Variants in METTL21A observed in about 807,000 individuals in gnomAD.
METTL21A encodes the protein protein N-lysine methyltransferase METTL21A.
METTL21A carries 22 observed loss-of-function variants against 20.9 expected under a neutral mutation model. The ratio of observed to expected loss-of-function variants is 1.05; its 90% CI spans 0.75 to 1.50. The LOEUF is 1.50. METTL21A is among the 40% of genes most tolerant of loss of function. The pLI is 0.00. For synonymous variants in METTL21A, 93 were observed against 102.0 expected (o/e 0.91, Z 0.53); for missense variants, 271 against 266.8 (o/e 1.02, Z -0.11).
intron 3 of METTL21A, chr2:207,602,361 C>G (rs1432816348): frequency 4.9e-6 from 1 of 202,060 alleles, no homozygotes; most frequent in Non-Finnish European, 1.0e-5. Context: ...GGGTGCAGGT[C>G]CCAGCTGGGT....
intron 3 of METTL21A, among the ~76,000 whole-genome samples, chr2:207,595,337 A>G (rs2085934153): frequency 6.6e-6 from 1 of 151,842 alleles, no homozygotes; most frequent in African/African-American, 2.4e-5. Context: ...ATCTCTGGAG[A>G]AATCTCTGTT....
chr2:207,583,691 A>C (rs961932816), intron 3 of METTL21A, among the ~76,000 whole-genome samples: 1 of 152,174 alleles, frequency 6.6e-6, no homozygotes, highest in Non-Finnish European at 1.5e-5. Context: ...TTGCATATAC[A>C]TAAGTTCACT....
intron 2 of METTL21A, 92 bp downstream of exon 2, chr2:207,624,137 A>G: frequency 7.1e-7 from 1 of 1,415,974 alleles, no homozygotes; most frequent in Non-Finnish European, 9.5e-7. Flanking sequence ...TATGTGAATT[A>G]TATCTCAATA....
intron 3 of METTL21A, among the ~76,000 whole-genome samples, chr2:207,618,925 T>C (rs2090134270): frequency 6.6e-6 from 1 of 152,010 alleles, no homozygotes; most frequent in African/African-American, 2.4e-5. Flanking sequence ...AGAGTCAGAT[T>C]GGATTCAAAT....
chr2:207,581,970 G>A, exon 4 of METTL21A: 2 of 701,862 alleles, frequency 2.8e-6, no homozygotes, highest in Non-Finnish European at 5.2e-6. Flanking sequence ...GAGATAATAG[G>A]TTTTGGGGAG....
intron 3 of METTL21A, among the ~76,000 whole-genome samples, chr2:207,591,428 T>C (rs1458620943): frequency 2.0e-5 from 3 of 152,152 alleles, no homozygotes; most frequent in Non-Finnish European, 4.4e-5. Flanking sequence ...AGTTGGTTTG[T>C]TTTGTTTTTG....
At chr2:207,624,739 A>G (rs2090926349) in intron 1 of METTL21A, 1 of 153,990 alleles carries the variant, frequency 6.5e-6, no homozygotes, top group Non-Finnish European at 1.4e-5. Context: ...AGGGCCCCAG[A>G]GCAGCGCGGA....
At chr2:207,585,447 CA>C (rs1337907224) in intron 3 of METTL21A, among the ~76,000 whole-genome samples, 1 of 152,166 alleles carries the variant, frequency 6.6e-6, no homozygotes, top group East Asian at 1.9e-4. Flanking sequence ...TCTTTCTCTA[CA>C]AAAGCCAGTC....
chr2:207,585,296 A>G (rs1444825768), intron 3 of METTL21A, among the ~76,000 whole-genome samples: 2 of 152,210 alleles, frequency 1.3e-5, no homozygotes, highest in Non-Finnish European at 2.9e-5. Flanking sequence ...TGAAGAAATC[A>G]TAGATGCCAT....
chr2:207,590,083 G>GT (rs59126515), intron 3 of METTL21A, among the ~76,000 whole-genome samples: 45,081 of 75,458 alleles, frequency 0.6, 12,607 homozygotes, highest in East Asian at 0.77. Context: ...ATTTTGAGAA[G>GT]TTTTTTTTTT....
At chr2:207,582,019 C>T in exon 4 of METTL21A, 1 of 698,666 alleles carries the variant, frequency 1.4e-6, no homozygotes, top group South Asian at 1.5e-5. Flanking sequence ...CTCATAACAT[C>T]ACATCCGGGA....
At chr2:207,608,283 C>G (rs2088438718), downstream of METTL21A, among the ~76,000 whole-genome samples, 1 of 152,082 alleles carries the variant, frequency 6.6e-6, no homozygotes. Flanking sequence ...AAAAGCATTC[C>G]CATATGAACT....
In METTL21A at chr2:207,597,697, C is replaced by T. The variant is rs371836046; in HGVS notation, c.260-15537G>A. 23 of 206,296 alleles carry T rather than the reference C, an allele frequency of 1.1e-4. No homozygotes were observed. In the South Asian group the frequency reaches 1.7e-3, roughly 15 times the overall value. 12.8% of individuals were successfully genotyped at this position (206,296 alleles called of 1,614,324 possible). ...CCTTGGTTCTTAAAAGCATTCTGTA[C>T]TAATACAGCTCTTCCATAGGGCAGT... On this transcript the variant is annotated intron_variant, in intron 3 of 3. Transcript: ENST00000425132.
intron 3 of METTL21A, among the ~76,000 whole-genome samples, chr2:207,589,068 C>T (rs2084464852): frequency 6.6e-6 from 1 of 152,064 alleles, no homozygotes; most frequent in African/African-American, 2.4e-5. Context: ...TTGCCCTATT[C>T]TTGATCTTAG....
chr2:207,603,196 T>C (rs2087402178), intron 3 of METTL21A: 1 of 215,458 alleles, frequency 4.6e-6, no homozygotes, highest in Admixed American at 5.8e-5. Context: ...GTGCTTTATG[T>C]GTAAAGAAAA....
chr2:207,599,040 G>A (rs1156979265), intron 3 of METTL21A: 2 of 183,304 alleles, frequency 1.1e-5, no homozygotes, highest in African/African-American at 4.7e-5. Flanking sequence ...TTTGTAAATG[G>A]TATATTTTCG....
intron 3 of METTL21A, among the ~76,000 whole-genome samples, chr2:207,586,070 T>C (rs1301980475): frequency 6.6e-6 from 1 of 152,128 alleles, no homozygotes; most frequent in Admixed American, 6.5e-5. Flanking sequence ...CACACTATTT[T>C]CAAACTCAAA....
chr2:207,622,911 CT>C (rs769382433), intron 2 of METTL21A, among the ~76,000 whole-genome samples: 1,886 of 144,426 alleles, frequency 0.013, 11 homozygotes, highest in Non-Finnish European at 0.019. Context: ...TATTATTTAT[CT>C]TTTTTTTTTT....
At chr2:207,625,804 G>T (rs2107413448), upstream of METTL21A, 1 of 152,426 alleles carries the variant, frequency 6.6e-6, no homozygotes, top group East Asian at 1.9e-4. Flanking sequence ...GAGACAGCTC[G>T]CTCCGAAGAA....
Sources: allele counts gnomAD v4.1 joint callset (sites outside exome capture counted in the v4.1 genomes callset), GRCh38; gene constraint gnomAD v4.1.1; transcripts MANE v1.5; gene names NCBI Gene and HGNC (gene_info 2026-07-23, HGNC 2026-07-21).